Variants in USPL1 observed in about 807,000 individuals in gnomAD.
The protein encoded by USPL1 is SUMO-specific isopeptidase USPL1.
A neutral mutation model predicts 51.5 loss-of-function variants in USPL1; 27 were observed. That is an observed-to-expected ratio of 0.52 (90% CI 0.39 to 0.72). USPL1 has a LOEUF of 0.72. Among genes scored for constraint, USPL1 ranks in the 30% least tolerant of loss-of-function variants. The pLI is 0.00. For missense variants in USPL1, 1,226 were observed against 1,268.0 expected, an observed-to-expected ratio of 0.97 and a Z score of 0.50; for synonymous variants, 451 against 459.6, an observed-to-expected ratio of 0.98 and a Z score of 0.24.
chr13:30,642,945 T>A (rs551031078), intron 6 of USPL1, among the ~76,000 whole-genome samples, 188 bp downstream of exon 6: 5 of 152,298 alleles, frequency 3.3e-5, no homozygotes, highest in African/African-American at 1.2e-4. Flanking sequence ...ATAGGGACGA[T>A]GAGAGGAATA....
intron 8 of USPL1, among the ~76,000 whole-genome samples, chr13:30,655,320 T>TAG (rs1382342166): frequency 4.6e-5 from 7 of 152,342 alleles, no homozygotes; most frequent in African/African-American, 1.7e-4. Context: ...TGTTGAGTCC[T>TAG]AGACATTTGT....
chr13:30,621,866 T>C lies in USPL1; in HGVS notation c.202T>C (p.Ser68Pro). The change falls in exon 3 of 9, where the codon TCT (serine) becomes CCT (proline). Residue 68 changes from serine to proline, a missense_variant. Coordinates refer to ENST00000255304, the MANE Select transcript of USPL1 (RefSeq NM_005800.5). The part of the protein sequence containing the change: ...LKTYRISFQE[S>P]IFLCEDLQCI... Reference sequence around the variant, plus strand: ...GACTTACCGAATTAGTTTTCAAGAATCTATCTTTTTGTGTGAGGATCTGCA... The same window carrying C: ...GACTTACCGAATTAGTTTTCAAGAACCTATCTTTTTGTGTGAGGATCTGCA... 1 of 1,567,492 alleles carries C rather than the reference T, an allele frequency of 6.4e-7. No individual in the cohort carries two copies. Among genetic ancestry groups the C allele is most frequent in the Non-Finnish European group, 8.6e-7 (1 of 1,159,180 alleles).
chr13:30,629,952 G>A (rs1467987651), intron 3 of USPL1, among the ~76,000 whole-genome samples: 6 of 151,694 alleles, frequency 4.0e-5, no homozygotes, highest in Non-Finnish European at 8.8e-5. Context: ...GTAAAAGAAG[G>A]CATTAATTAA....
At chr13:30,634,683 G>A (rs149999300) in intron 4 of USPL1, among the ~76,000 whole-genome samples, 19 of 152,218 alleles carry the variant, frequency 1.2e-4, no homozygotes, top group African/African-American at 4.6e-4. Flanking sequence ...CAAGTCTCCT[G>A]GGGCACAGTA....
intron 5 of USPL1, among the ~76,000 whole-genome samples, chr13:30,640,073 G>A (rs371063514): frequency 6.6e-6 from 1 of 152,258 alleles, no homozygotes; most frequent in South Asian, 2.1e-4. Context: ...TCAAGGATAG[G>A]TGCTATATTT....
chr13:30,622,480 C>T (rs941678977), intron 3 of USPL1, among the ~76,000 whole-genome samples: 2 of 152,138 alleles, frequency 1.3e-5, no homozygotes, highest in African/African-American at 4.8e-5. Flanking sequence ...CTGTCTCATA[C>T]ACTTTTAATT....
intron 4 of USPL1, among the ~76,000 whole-genome samples, chr13:30,633,784 C>CAAAAAAAAAAA (rs61682331): frequency 2.4e-5 from 1 of 41,260 alleles, no homozygotes; most frequent in Non-Finnish European, 5.1e-5. Context: ...GACTCTGTCT[C>CAAAAAAAAAAA]AAAAAAAAAA....
At chr13:30,630,677 GTTGT>G (rs375986309) in intron 3 of USPL1, among the ~76,000 whole-genome samples, 154 bp from the exon 4 acceptor site, 1 of 152,224 alleles carries the variant, frequency 6.6e-6, no homozygotes, top group Admixed American at 6.5e-5. Context: ...TGATTAAGTA[GTTGT>G]TTGTCTCTAA....
rs144049275 is a variant in USPL1, at chr13:30,653,736, A to G, written c.1396+431A>G. On this transcript the variant is annotated intron_variant, in intron 8 of 8. Transcript: ENST00000255304. ...CCATCAAGATAAAGCCTTTATTTAA[A>G]TAATTAAACTTCTTAGTGGAAAGCT... is the stretch of plus-strand genomic sequence containing the variant. 2.3e-3 allele frequency among the ~76,000 whole-genome samples: 357 copies of G among 152,356 alleles called. 5 individuals are homozygous for G. The East Asian group carries it at 0.029, about 12-fold the overall frequency.
intron 2 of USPL1, 95 bp downstream of exon 2, chr13:30,621,334 A>G: frequency 1.6e-5 from 14 of 899,722 alleles, no homozygotes; most frequent in Non-Finnish European, 2.2e-5. Flanking sequence ...GTTAACTTCT[A>G]AAAAATTGTG....
intron 6 of USPL1, among the ~76,000 whole-genome samples, chr13:30,645,873 G>A (rs1369320721): frequency 6.6e-6 from 1 of 152,202 alleles, no homozygotes; most frequent in Admixed American, 6.5e-5. Flanking sequence ...AGTGTCCAGT[G>A]CCATGCCCTT....
intron 8 of USPL1, among the ~76,000 whole-genome samples, chr13:30,656,328 AC>A (rs144024049): frequency 0.32 from 49,346 of 152,024 alleles, 8,238 homozygotes; most frequent in Middle Eastern, 0.42. Flanking sequence ...TTTTTCATCA[AC>A]CCAAACAGAA....
Position 30,658,375 on chromosome 13 carries a change from G to T in USPL1, c.2298G>T (p.Arg766Ser). The T allele has an allele frequency of 6.2e-7, 1 of 1,613,672 alleles. No homozygotes were observed. The highest frequency in any genetic ancestry group is 8.5e-7 in the Non-Finnish European group (1 of 1,180,002). The change falls in exon 9 of 9, where the codon AGG becomes AGT. Residue 766 changes from arginine to serine, a missense_variant. Physicochemically the swap from Arg to Ser is moderately radical, Grantham distance 110. Transcript: ENST00000255304. ...GTTGGGTTAAAGGCTTAATAAGCAGGGGTGCTTCTTTTATGCCACTCTGTG... is the reference window on the plus strand; with the variant it reads ...GTTGGGTTAAAGGCTTAATAAGCAGTGGTGCTTCTTTTATGCCACTCTGTG... Reference protein sequence around the residue: ...VGSWVKGLISRGASFMPLCVS... With the variant: ...VGSWVKGLISSGASFMPLCVS...
intron 1 of USPL1, among the ~76,000 whole-genome samples, chr13:30,620,581 T>C (rs1181308006): frequency 6.6e-6 from 1 of 152,326 alleles, no homozygotes; most frequent in East Asian, 1.9e-4. Context: ...TAATAAGTAG[T>C]ATTTTTCCCA....
rs546880966 is a variant in USPL1 at position 30,651,867 on chromosome 13, A to G, written c.1239-1281A>G. Among the ~76,000 whole-genome samples, 227 of 152,166 alleles carry G rather than the reference A, an allele frequency of 1.5e-3. 1 individual carries two copies. Among genetic ancestry groups the G allele is most frequent in the African/African-American group, 5.1e-3 (213 of 41,524 alleles). On this transcript the variant is annotated intron_variant, in intron 7 of 8. Coordinates refer to ENST00000255304, the MANE Select transcript of USPL1 (RefSeq NM_005800.5). ...GCTCCTCAGGAGGCTGTGGTGGGAG[A>G]ATCACTTGAGCCCAGGAGGCGGAGA...
chr13:30,626,544 T>G (rs965020306), intron 3 of USPL1, among the ~76,000 whole-genome samples: 2 of 152,218 alleles, frequency 1.3e-5, no homozygotes, highest in Non-Finnish European at 2.9e-5. Context: ...ATTTATTATC[T>G]AGCCCTTTAT....
At chr13:30,623,959 A>G (rs1467068346) in intron 3 of USPL1, among the ~76,000 whole-genome samples, 1 of 152,204 alleles carries the variant, frequency 6.6e-6, no homozygotes, top group Non-Finnish European at 1.5e-5. Flanking sequence ...ACCAATAAAC[A>G]TAAGTAAGTG....
chr13:30,658,577 T>A lies in USPL1; in HGVS notation c.2500T>A (p.Ser834Thr). 1 of 1,614,156 alleles carries A rather than the reference T, an allele frequency of 6.2e-7. No homozygotes were observed. Among genetic ancestry groups the A allele is most frequent in the South Asian group, 1.1e-5 (1 of 91,082 alleles). ...PISKPPAGPPSSNGTAAHPHA... is the reference protein window; with the variant it reads ...PISKPPAGPPTSNGTAAHPHA... ...CAGTAAGCCACCAGCAGGCCCTCCA[T>A]CGTCTAATGGCACAGCTGCCCACCC... Residue 834 changes from serine (S) to threonine (T), a missense_variant, in exon 9 of 9, where the codon TCG becomes ACG. Physicochemically the swap from Ser to Thr is moderately conservative, Grantham distance 58. Transcript: ENST00000255304.
At chr13:30,642,837 C>T in intron 6 of USPL1, 80 bp downstream of exon 6, 3 of 1,510,588 alleles carry the variant, frequency 2.0e-6, no homozygotes, top group South Asian at 1.3e-5. Context: ...GAGCACCAGA[C>T]ACTACAGTTT....
Sources: gnomAD v4.1 joint callset for allele counts (sites outside exome capture counted in the v4.1 genomes callset) on GRCh38, gnomAD v4.1.1 for gene constraint, MANE v1.5 for transcripts, NCBI Gene and HGNC (gene_info 2026-07-23, HGNC 2026-07-21) for gene names.